STIL: variants seen among roughly 807,000 people sequenced by gnomAD.
STIL encodes STIL centriolar assembly protein, also known as SCL-interrupting locus protein.
In STIL, 55 loss-of-function variants were observed where a neutral mutation model predicts 110.1. The ratio of observed to expected loss-of-function variants is 0.50; its 90% CI spans 0.40 to 0.63. The LOEUF (loss-of-function observed/expected upper bound fraction) is 0.63. Among genes scored for constraint, STIL ranks in the 20% least tolerant of loss-of-function variants. STIL has a pLI of 0.00. For missense variants in STIL, 1,358 were observed against 1,530.0 expected (o/e 0.89, Z 1.87); for synonymous variants, 481 against 530.0 (o/e 0.91, Z 1.27).
chr1:47,302,285 T>C lies in STIL; in HGVS notation c.214A>G (p.Asn72Asp). 6.2e-7 allele frequency: 1 copy of C among 1,614,176 alleles called. No homozygotes were observed. The highest frequency in any genetic ancestry group is 8.5e-7 in the Non-Finnish European group (1 of 1,180,022). Residue 72 changes from asparagine (N) to aspartate (D), a missense_variant, in exon 4 of 17, where the codon AAT becomes GAT. Asn to Asp is a conservative substitution (Grantham distance 23, BLOSUM62 1). Transcript: ENST00000371877. ...IRLAYRHAKQ[N>D]KKNSSCFLLG... ...AAAAAGCATGACGAATTTTTTTTAT[T>C]CTGCTTAGCATGACGATAAGCAAGT...
intron 16 of STIL, 137 bp downstream of exon 16, chr1:47,260,152 C>A: frequency 1.2e-6 from 1 of 828,116 alleles, no homozygotes; most frequent in Non-Finnish European, 1.8e-6. Context: ...TCAATTGAGG[C>A]ACAAACGTAA....
At chr1:47,269,035 G>C (rs1260568515) in intron 14 of STIL, among the ~76,000 whole-genome samples, 1 of 150,690 alleles carries the variant, frequency 6.6e-6, no homozygotes, top group Non-Finnish European at 1.5e-5. Context: ...AGATTGCAGT[G>C]AGCCGAGATT....
intron 16 of STIL, among the ~76,000 whole-genome samples, chr1:47,257,732 G>A (rs1644366153): frequency 6.6e-6 from 1 of 152,054 alleles, no homozygotes. Context: ...GTGATTCCAT[G>A]GCATTCCCTA....
At chr1:47,314,183 G>A (rs925470387), upstream of STIL, 4 of 152,268 alleles carry the variant, frequency 2.6e-5, no homozygotes, top group Admixed American at 6.5e-5. Flanking sequence ...ACTGAAGGCC[G>A]CGCCACGCCT....
chr1:47,306,197 T>A (rs1161649751), intron 2 of STIL, among the ~76,000 whole-genome samples: 1 of 151,414 alleles, frequency 6.6e-6, no homozygotes, highest in East Asian at 1.9e-4. Flanking sequence ...CCCTTTTAAG[T>A]AACAGAAAAA....
intron 5 of STIL, among the ~76,000 whole-genome samples, chr1:47,300,741 C>T (rs1347866842): frequency 6.6e-6 from 1 of 152,178 alleles, no homozygotes; most frequent in East Asian, 1.9e-4. Flanking sequence ...GGATTACAGG[C>T]GTAAGCCACC....
At position 47,260,259 on chromosome 1, in the gene STIL, C is replaced by G. The variant is rs1644445248; in HGVS notation, c.3080+30G>C. Reference sequence around the variant, plus strand: ...AAATTTTTAAAAAATAAAATTTATTCACTCTTTAAAACAAAATTTTAAAAG... The same window carrying G: ...AAATTTTTAAAAAATAAAATTTATTGACTCTTTAAAACAAAATTTTAAAAG... On this transcript the variant is annotated intron_variant, in intron 16 of 16. Transcript: ENST00000371877. 3 of 1,582,420 alleles carry G rather than the reference C, an allele frequency of 1.9e-6. No individual in the cohort carries two copies. In the East Asian group the frequency reaches 6.8e-5, roughly 36 times the overall value.
At chr1:47,288,790 T>C (rs1452732395) in intron 9 of STIL, among the ~76,000 whole-genome samples, 1 of 149,552 alleles carries the variant, frequency 6.7e-6, no homozygotes, top group African/African-American at 2.5e-5. Flanking sequence ...CTCACACCTA[T>C]AATCCCAGCA....
chr1:47,295,192 C>T (rs1645607019), intron 7 of STIL, among the ~76,000 whole-genome samples: 1 of 152,108 alleles, frequency 6.6e-6, no homozygotes, highest in African/African-American at 2.4e-5. Flanking sequence ...CCACCTCAGC[C>T]TCCAAAAGTG....
chr1:47,306,821 T>C (rs1407829669), intron 2 of STIL, among the ~76,000 whole-genome samples: 6 of 152,190 alleles, frequency 3.9e-5, no homozygotes, highest in Non-Finnish European at 5.9e-5. Context: ...CTTTTCATTT[T>C]ACATGAGTGT....
At chr1:47,267,652 G>C (rs559508902) in intron 14 of STIL, among the ~76,000 whole-genome samples, 3 of 140,746 alleles carry the variant, frequency 2.1e-5, no homozygotes, top group African/African-American at 8.0e-5. Flanking sequence ...CAGCCAGGGC[G>C]ACAGAGCGAG....
chr1:47,304,858 G>T, intron 3 of STIL, 31 bp downstream of exon 3: 1 of 1,458,292 alleles, frequency 6.9e-7, no homozygotes, highest in Non-Finnish European at 9.6e-7. Context: ...GTTTATACTG[G>T]CTTGATTTGA....
At chr1:47,287,349 C>T (rs1278909325) in intron 10 of STIL, among the ~76,000 whole-genome samples, 3 of 152,044 alleles carry the variant, frequency 2.0e-5, no homozygotes, top group African/African-American at 7.2e-5. Context: ...CAAATGAAAA[C>T]CATATTAGAG....
chr1:47,268,813 G>A (rs567322527), intron 14 of STIL, among the ~76,000 whole-genome samples: 19 of 151,694 alleles, frequency 1.3e-4, no homozygotes, highest in South Asian at 6.3e-4. Flanking sequence ...AAATTTCTCC[G>A]CCAGGTGTGG....
At chr1:47,268,785 A>T (rs115711108) in intron 14 of STIL, among the ~76,000 whole-genome samples, 13,486 of 88,694 alleles carry the variant, frequency 0.15, 1,861 homozygotes, top group African/African-American at 0.42. Context: ...ATAAATAAAT[A>T]AATAAATTAA....
intron 14 of STIL, among the ~76,000 whole-genome samples, chr1:47,268,255 T>C (rs1394126401): frequency 6.6e-6 from 1 of 152,082 alleles, no homozygotes; most frequent in East Asian, 1.9e-4. Context: ...CAGATCAGCC[T>C]GGCCAACATG....
rs944874008 is a variant in STIL at position 47,308,283 on chromosome 1, AATTTCTC to A, written c.44+1986_44+1992del. On this transcript the variant is annotated intron_variant, in intron 2 of 16. Transcript: ENST00000371877. ...GTCTCCCCCGGAAGCCCAGCTTTAA[AATTTCTC>A]TCTTTTGTACTCTGTCCTTTTATTT... Among the ~76,000 whole-genome samples, 91 of 152,112 alleles carry A rather than the reference AATTTCTC, an allele frequency of 6.0e-4. 1 individual carries two copies. The East Asian group carries it at 6.9e-3, about 12-fold the overall frequency.
At chr1:47,290,093 T>G (rs1645437553) in intron 8 of STIL, among the ~76,000 whole-genome samples, 1 of 152,196 alleles carries the variant, frequency 6.6e-6, no homozygotes, top group Admixed American at 6.5e-5. Context: ...ACATTTAATT[T>G]CTGCTATCTA....
intron 2 of STIL, among the ~76,000 whole-genome samples, chr1:47,307,619 T>TTG (rs1557777574): frequency 1.3e-5 from 2 of 152,170 alleles, no homozygotes; most frequent in East Asian, 3.9e-4. Context: ...ACTACACAAA[T>TTG]TGTACAGCAT....
Sources: allele counts gnomAD v4.1 joint callset (sites outside exome capture counted in the v4.1 genomes callset), GRCh38; gene constraint gnomAD v4.1.1; transcripts MANE v1.5; gene names NCBI Gene and HGNC (gene_info 2026-07-23, HGNC 2026-07-21).